TFAP2D: variants seen among roughly 807,000 people sequenced by gnomAD.
TFAP2D encodes the protein transcription factor AP-2-delta.
A neutral mutation model predicts 43.6 loss-of-function variants in TFAP2D; 9 were observed. That is an observed-to-expected ratio of 0.21 (90% CI 0.12 to 0.36). The LOEUF is 0.36. Ranked by LOEUF, TFAP2D falls within the 10% of genes least tolerant of loss-of-function variation. TFAP2D has a pLI of 1.00. For synonymous variants in TFAP2D, 256 were observed against 224.9 expected, an observed-to-expected ratio of 1.14 and a Z score of -1.24; for missense variants, 513 against 561.4, an observed-to-expected ratio of 0.91 and a Z score of 0.87.
chr6:50,725,033 A>C (rs1768788638), intron 3 of TFAP2D, among the ~76,000 whole-genome samples: 1 of 152,136 alleles, frequency 6.6e-6, no homozygotes, highest in South Asian at 2.1e-4. Flanking sequence ...AGTTGGTCAA[A>C]TTCTTACTTG....
intron 3 of TFAP2D, among the ~76,000 whole-genome samples, chr6:50,719,447 GAGAAAGAAAGAA>G (rs531796279): frequency 0.018 from 2,414 of 131,766 alleles, 64 homozygotes; most frequent in African/African-American, 0.061. Flanking sequence ...AAAAGACAGA[GAGAAAGAAAGAA>G]AGAAAGAAAG....
At chr6:50,726,498 T>C (rs1045692709) in intron 3 of TFAP2D, among the ~76,000 whole-genome samples, 2 of 152,236 alleles carry the variant, frequency 1.3e-5, no homozygotes, top group African/African-American at 4.8e-5. Context: ...GGAAAGTTTA[T>C]GTCAGAATAT....
chr6:50,719,449 GAA>G (rs775553605), intron 3 of TFAP2D, among the ~76,000 whole-genome samples: 2 of 98,794 alleles, frequency 2.0e-5, no homozygotes, highest in Non-Finnish European at 4.3e-5. Context: ...AAGACAGAGA[GAA>G]AGAAAGAAAG....
At position 50,715,385 on chromosome 6, in the gene TFAP2D, G is replaced by A; in HGVS notation, c.309G>A (p.Gln103=). ...NSLHHSQQYY[Q]QIHHGEPTDF... ...TCCACCACTCGCAACAGTACTACCA[G>A]CAGATCCACCACGGGGAGCCCACCG... Residue 103 remains glutamine (Q), a synonymous_variant, in exon 2 of 8, where the codon CAG becomes CAA. Coordinates refer to ENST00000008391, the MANE Select transcript of TFAP2D (RefSeq NM_172238.4). 6.2e-7 allele frequency: 1 copy of A among 1,614,122 alleles called. No individual in the cohort carries two copies.
intron 5 of TFAP2D, among the ~76,000 whole-genome samples, chr6:50,730,867 A>T (rs775070417): frequency 6.6e-6 from 1 of 151,270 alleles, no homozygotes; most frequent in Non-Finnish European, 1.5e-5. Context: ...GTTCCTTGGA[A>T]CCCTTTTCAC....
In TFAP2D at chr6:50,714,108, T is replaced by A. The variant is rs1169816502; in HGVS notation, c.39+14T>A. The A allele has an allele frequency of 1.7e-6, 2 of 1,191,820 alleles. No homozygotes were observed. The highest frequency in any genetic ancestry group is 2.3e-6 in the Non-Finnish European group (2 of 883,058). The allele number at this position is 1,191,820 out of a possible 1,614,324, so 73.8% of individuals were successfully genotyped here. A position where few individuals can be genotyped will look rare whatever the true frequency, so the allele number is the denominator to read the frequency against. On this transcript the variant is annotated intron_variant, in intron 1 of 7. Coordinates refer to ENST00000008391, the MANE Select transcript of TFAP2D (RefSeq NM_172238.4). ...CACGATGCCGAGGTATTATTACTTTTTTTTTTTTTTTTTTTTGAGCGCGCG... is the reference window on the plus strand; with the variant it reads ...CACGATGCCGAGGTATTATTACTTTATTTTTTTTTTTTTTTTGAGCGCGCG...
chr6:50,739,042 G>A (rs1769000784), intron 5 of TFAP2D, among the ~76,000 whole-genome samples: 1 of 152,100 alleles, frequency 6.6e-6, no homozygotes, highest in Non-Finnish European at 1.5e-5. Flanking sequence ...AGATGCCCTG[G>A]CACCAGAGAT....
chr6:50,727,047 G>A (rs1233780816), intron 3 of TFAP2D, among the ~76,000 whole-genome samples: 1 of 152,180 alleles, frequency 6.6e-6, no homozygotes, highest in African/African-American at 2.4e-5. Context: ...ACACTGTCAT[G>A]GAGGTTTTGG....
chr6:50,715,084 T>A, intron 1 of TFAP2D, 32 bp from the exon 2 acceptor site: 1 of 1,595,428 alleles, frequency 6.3e-7, no homozygotes. Context: ...CTCAAGTTTT[T>A]CTGCTCTCCC....
intron 5 of TFAP2D, among the ~76,000 whole-genome samples, chr6:50,729,925 C>T (rs1284927662): frequency 2.0e-5 from 3 of 152,012 alleles, no homozygotes; most frequent in African/African-American, 7.2e-5. Context: ...TACCTCTTTC[C>T]TTTTTTTCTC....
At chr6:50,768,903 CTTT>C (rs34182627) in intron 7 of TFAP2D, among the ~76,000 whole-genome samples, 6 of 127,876 alleles carry the variant, frequency 4.7e-5, no homozygotes, top group Non-Finnish European at 4.9e-5. Context: ...AACGAAGTGG[CTTT>C]TTTTTTTTTT....
intron 7 of TFAP2D, among the ~76,000 whole-genome samples, chr6:50,761,331 T>A (rs2113892190): frequency 6.6e-6 from 1 of 152,060 alleles, no homozygotes; most frequent in Non-Finnish European, 1.5e-5. Context: ...GCTTAAATGA[T>A]GATGGCAGGC....
intron 5 of TFAP2D, among the ~76,000 whole-genome samples, chr6:50,733,929 G>A (rs1356776939): frequency 2.0e-5 from 3 of 151,892 alleles, no homozygotes; most frequent in Admixed American, 6.6e-5. Flanking sequence ...AATACCTTGA[G>A]CTGAAATTTG....
chr6:50,727,275 A>G (rs9395615), intron 3 of TFAP2D, among the ~76,000 whole-genome samples: 37,610 of 152,084 alleles, frequency 0.25, 5,384 homozygotes, highest in East Asian at 0.44. Flanking sequence ...AAATGTTTTA[A>G]GAGTGGGGCA....
Position 50,772,861 on chromosome 6 carries a change from C to A in TFAP2D, c.1356C>A (p.Asp452Glu). Residue 452 changes from aspartate (D) to glutamate (E), a missense_variant, in exon 8 of 8, where the codon GAC becomes GAA. Asp to Glu is a conservative substitution (Grantham distance 45). Coordinates refer to ENST00000008391, the MANE Select transcript of TFAP2D (RefSeq NM_172238.4). ...AAGAGGGCAAAACAGAAAAGACAGA[C>A]TAGCTACATCAAACAGAATCTATTT... ...AVKEGKTEKT[D>E] 1 of 1,610,916 alleles carries A rather than the reference C, an allele frequency of 6.2e-7. No homozygotes were observed. The highest frequency in any genetic ancestry group is 8.5e-7 in the Non-Finnish European group (1 of 1,178,374).
Position 50,728,843 on chromosome 6 carries a change from T to A in TFAP2D, c.599-13T>A. The A allele has an allele frequency of 1.9e-6, 3 of 1,613,152 alleles. No individual in the cohort carries two copies. Among genetic ancestry groups the A allele is most frequent in the Non-Finnish European group, 2.5e-6 (3 of 1,179,580 alleles). ...ACTGTCACTAACATGTTATATACTTTTTTTCTCCCAAGGTGGCACCTGTGT... is the reference window on the plus strand; with the variant it reads ...ACTGTCACTAACATGTTATATACTTATTTTCTCCCAAGGTGGCACCTGTGT... On this transcript the variant is annotated splice_polypyrimidine_tract_variant and intron_variant, in intron 3 of 7. Coordinates refer to ENST00000008391, the MANE Select transcript of TFAP2D (RefSeq NM_172238.4).
chr6:50,760,167 TC>T (rs1466121266), intron 7 of TFAP2D, among the ~76,000 whole-genome samples: 1 of 152,050 alleles, frequency 6.6e-6, no homozygotes, highest in Non-Finnish European at 1.5e-5. Context: ...TTTTTAAATC[TC>T]AGAGTACATA....
chr6:50,724,835 A>G (rs564674251), intron 3 of TFAP2D, among the ~76,000 whole-genome samples: 2 of 151,902 alleles, frequency 1.3e-5, no homozygotes, highest in South Asian at 2.1e-4. Context: ...GCAACGGGGT[A>G]GTTGTTTTTT....
chr6:50,756,337 A>T (rs1201552839), intron 7 of TFAP2D, among the ~76,000 whole-genome samples: 1 of 152,070 alleles, frequency 6.6e-6, no homozygotes, highest in African/African-American at 2.4e-5. Flanking sequence ...CTGGGAAAGA[A>T]GTGAAGAGGG....
Sources: allele counts gnomAD v4.1 joint callset (sites outside exome capture counted in the v4.1 genomes callset), GRCh38; gene constraint gnomAD v4.1.1; transcripts MANE v1.5; gene names NCBI Gene and HGNC (gene_info 2026-07-23, HGNC 2026-07-21).